The following CUX1 variants were observed in gnomAD, a reference collection of about 807,000 sequenced individuals.
CUX1 encodes cut like homeobox 1, also known as protein CASP.
A neutral mutation model predicts 158.8 loss-of-function variants in CUX1; 31 were observed. The observed-to-expected ratio is 0.20, with a 90% CI of 0.15 to 0.26. The LOEUF (loss-of-function observed/expected upper bound fraction) is 0.26, where lower values mean the gene tolerates loss of function less well. Ranked by LOEUF, CUX1 falls within the 10% of genes least tolerant of loss-of-function variation. The pLI, the probability that CUX1 is intolerant of heterozygous loss-of-function variation, is 1.00. For synonymous variants in CUX1, 879 were observed against 862.1 expected (o/e 1.02, Z -0.34); for missense variants, 1,589 against 2,014.6 (o/e 0.79, Z 4.04).
chr7:101,950,925 T>C (rs1443062776), intron 2 of CUX1, among the ~76,000 whole-genome samples: 2 of 152,214 alleles, frequency 1.3e-5, no homozygotes, highest in African/African-American at 4.8e-5. Flanking sequence ...TTAGTTACCA[T>C]AGCAACTGCC....
At chr7:101,952,445 C>T (rs969247771) in intron 2 of CUX1, among the ~76,000 whole-genome samples, 1 of 152,174 alleles carries the variant, frequency 6.6e-6, no homozygotes, top group Non-Finnish European at 1.5e-5. Context: ...TCAGAAAATA[C>T]GCGGGCAGGC....
chr7:102,067,651 T>C (rs1413600302), intron 3 of CUX1, among the ~76,000 whole-genome samples: 3 of 152,058 alleles, frequency 2.0e-5, no homozygotes, highest in Non-Finnish European at 4.4e-5. Context: ...TTTTTTTCTA[T>C]ATTTTTGATA....
chr7:102,105,000 G>T (rs140854396), intron 6 of CUX1, among the ~76,000 whole-genome samples: 1 of 152,158 alleles, frequency 6.6e-6, no homozygotes, highest in African/African-American at 2.4e-5. Context: ...TATCCAAGCC[G>T]TGCAGGTGCA....
intron 3 of CUX1, among the ~76,000 whole-genome samples, chr7:102,036,398 A>C (rs1187238837): frequency 6.6e-6 from 1 of 152,202 alleles, no homozygotes; most frequent in Non-Finnish European, 1.5e-5. Context: ...TTAAAGCTGC[A>C]GTAGTTGGCA....
intron 2 of CUX1, among the ~76,000 whole-genome samples, chr7:101,927,981 A>T (rs1194449786): frequency 6.6e-6 from 1 of 152,120 alleles, no homozygotes; most frequent in Non-Finnish European, 1.5e-5. Context: ...CTGAAACGTC[A>T]ACAAGGCCGG....
At chr7:102,072,381 A>T (rs1371554131) in intron 4 of CUX1, among the ~76,000 whole-genome samples, 1 of 152,206 alleles carries the variant, frequency 6.6e-6, no homozygotes, top group Non-Finnish European at 1.5e-5. Flanking sequence ...CTCCTATGCA[A>T]ACATCTTGAT....
chr7:102,058,562 T>C (rs1400432901), intron 3 of CUX1, among the ~76,000 whole-genome samples: 2 of 152,124 alleles, frequency 1.3e-5, no homozygotes, highest in Non-Finnish European at 2.9e-5. Context: ...GGATTACAAG[T>C]GTGAGCCACC....
At chr7:102,262,817 C>T (rs1327912057), downstream of CUX1, among the ~76,000 whole-genome samples, 2 of 152,096 alleles carry the variant, frequency 1.3e-5, no homozygotes, top group African/African-American at 2.4e-5. Flanking sequence ...TCCACTCGCC[C>T]GTGAGCTAAT....
rs1345292426 is a variant in CUX1 at position 102,201,794 on chromosome 7, A to C, written c.2497A>C (p.Arg833=). ...GTGGAGCGCGGTGCAGCCGGAGAGA[A>C]GAAATGCCGCCTCCTCCGAGGAGGC... ...HWWSAVQPER[R]NAASSEEAKA... The change falls in exon 18 of 24, where the codon AGA becomes CGA. Residue 833 remains arginine (R), a synonymous_variant. Transcript: ENST00000292535. The surrounding 1 kb of genome is among the most constrained non-coding windows in gnomAD (Gnocchi z 5.0). 1.2e-6 allele frequency: 2 copies of C among 1,612,792 alleles called. No individual in the cohort carries two copies. Among genetic ancestry groups the C allele is most frequent in the African/African-American group, 1.3e-5 (1 of 74,920 alleles).
chr7:102,133,527 G>A (rs1833559580), intron 8 of CUX1, among the ~76,000 whole-genome samples: 1 of 138,136 alleles, frequency 7.2e-6, no homozygotes, highest in Non-Finnish European at 1.5e-5. Context: ...CCAGGCTGGA[G>A]TGCAGTGATG....
chr7:102,170,614 C>T (rs547288200), intron 10 of CUX1, 64 bp downstream of exon 10: 8 of 1,101,410 alleles, frequency 7.3e-6, no homozygotes, highest in East Asian at 2.6e-5. Flanking sequence ...GAGTTACAGC[C>T]GCTTGCTCCT....
intron 3 of CUX1, among the ~76,000 whole-genome samples, chr7:102,029,194 T>C (rs10277758): frequency 1.1e-3 from 160 of 152,168 alleles, no homozygotes; most frequent in African/African-American, 3.7e-3. Flanking sequence ...AGTTTCACCA[T>C]GTTGGCCAGG....
At chr7:101,876,652 G>A (rs370260675) in intron 1 of CUX1, among the ~76,000 whole-genome samples, 8 of 151,896 alleles carry the variant, frequency 5.3e-5, no homozygotes, top group Middle Eastern at 6.8e-3. Flanking sequence ...TTGAGATCGG[G>A]CCACTGTGCT....
chr7:101,849,885 T>G (rs1796087849), intron 1 of CUX1, among the ~76,000 whole-genome samples: 2 of 151,802 alleles, frequency 1.3e-5, no homozygotes, highest in South Asian at 2.1e-4. Flanking sequence ...CTGACCGGTA[T>G]GAGACAGTAT....
At chr7:101,962,658 T>C (rs1810659408) in intron 2 of CUX1, among the ~76,000 whole-genome samples, 1 of 152,196 alleles carries the variant, frequency 6.6e-6, no homozygotes, top group South Asian at 2.1e-4. Context: ...TTTAGAATCC[T>C]CAACTCCTCC....
At chr7:101,889,090 A>G (rs1437993856) in intron 1 of CUX1, among the ~76,000 whole-genome samples, 1 of 151,434 alleles carries the variant, frequency 6.6e-6, no homozygotes, top group Non-Finnish European at 1.5e-5. Flanking sequence ...ACATAACCAG[A>G]CCCCGTCTCT....
intron 2 of CUX1, among the ~76,000 whole-genome samples, chr7:101,993,860 T>G (rs1382250180): frequency 6.6e-6 from 1 of 152,216 alleles, no homozygotes; most frequent in African/African-American, 2.4e-5. Context: ...CCTGGCATCC[T>G]GGACTCCCTT....
chr7:102,224,798 CAG>C (rs1410141337), intron 20 of CUX1, among the ~76,000 whole-genome samples: 1 of 152,198 alleles, frequency 6.6e-6, no homozygotes, highest in African/African-American at 2.4e-5. Flanking sequence ...CAGAACAAAA[CAG>C]GGAGATGCCA....
At chr7:102,083,991 T>G (rs1186048646) in intron 4 of CUX1, among the ~76,000 whole-genome samples, 1 of 146,024 alleles carries the variant, frequency 6.8e-6, no homozygotes, top group African/African-American at 2.4e-5. Flanking sequence ...ATTCAAGCAA[T>G]TCTCCTGTCT....
Sources: gnomAD v4.1 joint callset for allele counts (sites outside exome capture counted in the v4.1 genomes callset) on GRCh38, gnomAD v4.1.1 for gene constraint, Gnocchi (gnomAD v3.1) non-coding constraint, MANE v1.5 for transcripts, NCBI Gene and HGNC (gene_info 2026-07-23, HGNC 2026-07-21) for gene names.